Variants in KCNMB4 observed in about 807,000 individuals in gnomAD.
KCNMB4 encodes the protein potassium calcium-activated channel subfamily M regulatory beta subunit 4.
In KCNMB4, 3 loss-of-function variants were observed where a neutral mutation model predicts 20.7. The ratio of observed to expected loss-of-function variants is 0.14; its 90% CI spans 0.07 to 0.37. KCNMB4 has a LOEUF of 0.37. KCNMB4 is among the 10% of genes least tolerant of loss of function. KCNMB4 has a pLI of 1.00. For missense variants in KCNMB4, 168 were observed against 265.9 expected (o/e 0.63, Z 2.56); for synonymous variants, 110 against 113.4 (o/e 0.97, Z 0.19).
intron 2 of KCNMB4, among the ~76,000 whole-genome samples, chr12:70,415,051 T>C (rs1056138203): frequency 6.6e-5 from 10 of 152,236 alleles, no homozygotes; most frequent in African/African-American, 2.4e-4. Flanking sequence ...TGGCCTTTCA[T>C]AATAGCCGAT....
chr12:70,393,497 C>G (rs529638671), intron 1 of KCNMB4, among the ~76,000 whole-genome samples: 14 of 152,166 alleles, frequency 9.2e-5, no homozygotes, highest in African/African-American at 3.1e-4. Context: ...CACCACGCCC[C>G]GCCGTGTTTT....
intron 2 of KCNMB4, among the ~76,000 whole-genome samples, chr12:70,405,313 T>TA (rs1868569152): frequency 6.6e-6 from 1 of 152,006 alleles, no homozygotes; most frequent in Non-Finnish European, 1.5e-5. Flanking sequence ...TAATCTGATT[T>TA]AAAAAAAGGC....
chr12:70,422,719 A>G, intron 2 of KCNMB4: 1 of 1,289,080 alleles, frequency 7.8e-7, no homozygotes, highest in Non-Finnish European at 1.0e-6. Flanking sequence ...CTTGATGATT[A>G]CCCCTCTTTA....
chr12:70,408,651 G>A (rs553854433), intron 2 of KCNMB4, among the ~76,000 whole-genome samples: 61 of 152,236 alleles, frequency 4.0e-4, no homozygotes, highest in African/African-American at 1.3e-3. Flanking sequence ...CTGCAGAGGC[G>A]TCACTGGGGT....
In KCNMB4 at chr12:70,368,061, C is replaced by T. The variant is rs1411149561; in HGVS notation, c.336+991C>T. On this transcript the variant is annotated intron_variant, in intron 1 of 2. Coordinates refer to ENST00000258111, the MANE Select transcript of KCNMB4 (RefSeq NM_014505.6). ...TCTACTTCCCTTGATCTTTTCTGCT[C>T]TCCTTGTTGCTTAACTATCAAAGGT... Among the ~76,000 whole-genome samples, 5 of 152,164 alleles carry T rather than the reference C, an allele frequency of 3.3e-5. No individual in the cohort carries two copies. In the East Asian group the frequency reaches 9.7e-4, roughly 29 times the overall value.
Position 70,430,887 on chromosome 12 carries a change from G to A in KCNMB4, c.*234G>A, listed in dbSNP as rs1317118396. On this transcript the variant is annotated 3_prime_UTR_variant, in exon 3 of 3. Transcript: ENST00000258111. The stretch of plus-strand genomic sequence containing the variant: ...AGGGTCAAGATCTTAGCTGTATGGA[G>A]TAACTATTTCAGAAAACCCTATAAG... 1.9e-5 allele frequency: 8 copies of A among 415,462 alleles called. No individual in the cohort carries two copies. The highest frequency in any genetic ancestry group is 3.0e-5 in the Non-Finnish European group (7 of 237,146). The allele number at this position is 415,462 out of a possible 1,614,324, so 25.7% of individuals were successfully genotyped here.
chr12:70,393,079 T>A (rs1868314661), intron 1 of KCNMB4, among the ~76,000 whole-genome samples: 1 of 152,246 alleles, frequency 6.6e-6, no homozygotes, highest in Non-Finnish European at 1.5e-5. Context: ...CTGTCATGTT[T>A]GTTATAATTA....
intron 2 of KCNMB4, among the ~76,000 whole-genome samples, chr12:70,419,143 A>G (rs1868985391): frequency 1.3e-5 from 2 of 152,218 alleles, no homozygotes; most frequent in South Asian, 4.1e-4. Flanking sequence ...TTGATGTTTA[A>G]GAATTAATTC....
chr12:70,375,575 G>C (rs560446533), intron 1 of KCNMB4, among the ~76,000 whole-genome samples: 1 of 152,152 alleles, frequency 6.6e-6, no homozygotes, highest in East Asian at 1.9e-4. Context: ...GGAGGTCAAG[G>C]CTGCAGTAAG....
intron 1 of KCNMB4, among the ~76,000 whole-genome samples, chr12:70,395,732 C>T (rs185220232): frequency 3.9e-5 from 6 of 152,136 alleles, no homozygotes; most frequent in African/African-American, 1.4e-4. Flanking sequence ...AAATCTTTTT[C>T]GAAAATATTT....
At position 70,366,667 on chromosome 12, in the gene KCNMB4, C is replaced by A. The variant is rs1883497955; in HGVS notation, c.-68C>A. ...CGGCGGCGGCTCCTCCCGCCCGAGG[C>A]AGTCGGGCTCGGCGCCGGGGGCGGG... On this transcript the variant is annotated 5_prime_UTR_variant, in exon 1 of 3. Transcript: ENST00000258111. 1.6e-6 allele frequency: 2 copies of A among 1,233,072 alleles called. No individual in the cohort carries two copies. 76.4% of individuals were successfully genotyped at this position (1,233,072 alleles called of 1,614,324 possible). A position where few individuals can be genotyped will look rare whatever the true frequency, so the allele number is the denominator to read the frequency against.
intron 1 of KCNMB4, among the ~76,000 whole-genome samples, chr12:70,377,386 TAATGTGCAGTACCATTATGTCTTAAA>T (rs1235176017): frequency 6.6e-6 from 1 of 152,202 alleles, no homozygotes; most frequent in East Asian, 1.9e-4. Context: ...TATACTATAT[TAATGTGCAGTACCATTATGTCTTAAA>T]AATGTACATA....
chr12:70,419,614 A>G (rs1868997628), intron 2 of KCNMB4, among the ~76,000 whole-genome samples: 2 of 152,232 alleles, frequency 1.3e-5, no homozygotes, highest in African/African-American at 2.4e-5. Context: ...AAAGTCAAAC[A>G]TGGTGTGGCA....
intron 2 of KCNMB4, among the ~76,000 whole-genome samples, chr12:70,407,794 A>G (rs1461080486): frequency 1.3e-5 from 2 of 151,600 alleles, no homozygotes; most frequent in Non-Finnish European, 2.9e-5. Context: ...CTAATCCTCT[A>G]TTCACATGGT....
In KCNMB4 at chr12:70,431,921, C is replaced by T. The variant is rs1869376402; in HGVS notation, c.*1268C>T. 1 of 152,042 alleles carries T rather than the reference C, an allele frequency of 6.6e-6. No individual in the cohort carries two copies. Among genetic ancestry groups the T allele is most frequent in the African/African-American group, 2.4e-5 (1 of 41,400 alleles). The allele number at this position is 152,042 out of a possible 1,614,324, so 9.4% of individuals were successfully genotyped here. ...ATGCCTCTATTAGAATAAAGGTAAA[C>T]TGGAATTTAAAGACAAGTTCCCCTC... On this transcript the variant is annotated 3_prime_UTR_variant, in exon 3 of 3. Coordinates refer to ENST00000258111, the MANE Select transcript of KCNMB4 (RefSeq NM_014505.6).
At chr12:70,401,330 A>G (rs1426734785) in intron 2 of KCNMB4, among the ~76,000 whole-genome samples, 1 of 152,100 alleles carries the variant, frequency 6.6e-6, no homozygotes, top group Non-Finnish European at 1.5e-5. Flanking sequence ...CCAACACATC[A>G]TGTTGATTTT....
chr12:70,418,594 G>A (rs546244561), intron 2 of KCNMB4, among the ~76,000 whole-genome samples: 35 of 152,114 alleles, frequency 2.3e-4, no homozygotes, highest in Non-Finnish European at 3.5e-4. Flanking sequence ...AGACAAAGGC[G>A]CGTGCTAACT....
At chr12:70,396,612 G>A (rs1192713450) in intron 1 of KCNMB4, among the ~76,000 whole-genome samples, 1 of 152,154 alleles carries the variant, frequency 6.6e-6, no homozygotes, top group East Asian at 1.9e-4. Context: ...GGCCAAGAAA[G>A]TTTTCTTAAG....
intron 1 of KCNMB4, among the ~76,000 whole-genome samples, chr12:70,397,847 A>AT: frequency 6.6e-6 from 1 of 152,172 alleles, no homozygotes; most frequent in Non-Finnish European, 1.5e-5. Flanking sequence ...TGTGTCAAGT[A>AT]TTTACCCATT....
Sources: gnomAD v4.1 joint callset for allele counts (sites outside exome capture counted in the v4.1 genomes callset) on GRCh38, gnomAD v4.1.1 for gene constraint, MANE v1.5 for transcripts, NCBI Gene and HGNC (gene_info 2026-07-23, HGNC 2026-07-21) for gene names.